SORCS3: variants seen among roughly 807,000 people sequenced by gnomAD.
SORCS3 encodes VPS10 domain-containing receptor SorCS3.
Under a neutral mutation model 146.3 loss-of-function variants are expected in SORCS3, and 57 were observed. The ratio of observed to expected loss-of-function variants is 0.39; its 90% CI spans 0.31 to 0.49. The LOEUF (loss-of-function observed/expected upper bound fraction) is 0.49, where lower values mean the gene tolerates loss of function less well. Ranked by LOEUF, SORCS3 falls within the 20% of genes least tolerant of loss-of-function variation. The probability of loss-of-function intolerance (pLI) is 0.92; values close to 1 mark genes in which losing one functional copy is unlikely to be tolerated. For synonymous variants in SORCS3, 653 were observed against 618.5 expected (o/e 1.06, Z -0.83); for missense variants, 1,341 against 1,575.5 (o/e 0.85, Z 2.52).
chr10:104,802,257 AT>A (rs1183624816), intron 1 of SORCS3, among the ~76,000 whole-genome samples: 1 of 152,208 alleles, frequency 6.6e-6, no homozygotes, highest in Non-Finnish European at 1.5e-5. Context: ...AAATCTCCAT[AT>A]TCTGCTTTTA....
At chr10:105,123,557 A>G (rs1008149148) in intron 7 of SORCS3, among the ~76,000 whole-genome samples, 1 of 152,194 alleles carries the variant, frequency 6.6e-6, no homozygotes, top group African/African-American at 2.4e-5. Flanking sequence ...TAAGAAAGTT[A>G]TGTTCCCTGG....
chr10:104,754,306 C>T (rs1208913048), intron 1 of SORCS3, among the ~76,000 whole-genome samples: 1 of 152,154 alleles, frequency 6.6e-6, no homozygotes, highest in Non-Finnish European at 1.5e-5. Context: ...CCCTGTTAAA[C>T]ATCAGATTGT....
intron 2 of SORCS3, among the ~76,000 whole-genome samples, chr10:104,873,448 T>G (rs1425098530): frequency 6.6e-6 from 1 of 152,178 alleles, no homozygotes. Flanking sequence ...ACAGCCCCAT[T>G]TAGCTTTGAG....
intron 1 of SORCS3, among the ~76,000 whole-genome samples, chr10:104,662,115 A>T (rs1176158064): frequency 1.3e-5 from 2 of 152,186 alleles, no homozygotes; most frequent in Admixed American, 6.5e-5. Flanking sequence ...TGGGTAATGA[A>T]ATAGAGGAAA....
chr10:104,734,757 A>G (rs1189272748), intron 1 of SORCS3, among the ~76,000 whole-genome samples: 1 of 152,216 alleles, frequency 6.6e-6, no homozygotes, highest in Non-Finnish European at 1.5e-5. Context: ...ATGAAAATAC[A>G]TCTGCAGGCT....
chr10:104,715,452 T>C (rs2016465256), intron 1 of SORCS3, among the ~76,000 whole-genome samples: 1 of 152,234 alleles, frequency 6.6e-6, no homozygotes, highest in South Asian at 2.1e-4. Context: ...GAATTACCTA[T>C]TGGCTTTCCT....
intron 9 of SORCS3, among the ~76,000 whole-genome samples, chr10:105,154,876 C>T (rs2056195245): frequency 1.3e-5 from 2 of 152,130 alleles, no homozygotes; most frequent in Admixed American, 6.5e-5. Context: ...CACACAAAAG[C>T]CAAGTGCCTT....
intron 2 of SORCS3, among the ~76,000 whole-genome samples, chr10:104,903,145 C>A (rs1043540582): frequency 2.6e-5 from 4 of 152,190 alleles, no homozygotes; most frequent in African/African-American, 7.2e-5. Flanking sequence ...GTCTCCGAGT[C>A]TGTTTCCTCA....
chr10:105,186,037 GA>G (rs1429739562), intron 14 of SORCS3, among the ~76,000 whole-genome samples: 1 of 152,140 alleles, frequency 6.6e-6, no homozygotes, highest in East Asian at 1.9e-4. Flanking sequence ...CTTATCAATG[GA>G]AATTTAGGTT....
At chr10:104,882,251 G>A (rs1165197101) in intron 2 of SORCS3, among the ~76,000 whole-genome samples, 1 of 152,142 alleles carries the variant, frequency 6.6e-6, no homozygotes, top group Non-Finnish European at 1.5e-5. Context: ...GACTGCTTCT[G>A]AAATGCCCAG....
At chr10:104,654,638 A>G (rs1481114598) in intron 1 of SORCS3, among the ~76,000 whole-genome samples, 1 of 152,230 alleles carries the variant, frequency 6.6e-6, no homozygotes, top group East Asian at 1.9e-4. Flanking sequence ...CTCTGGACAT[A>G]GAAATCTAGG....
chr10:104,722,530 T>G (rs1182547019), intron 1 of SORCS3, among the ~76,000 whole-genome samples: 1 of 152,222 alleles, frequency 6.6e-6, no homozygotes. Context: ...TTTCTATTGA[T>G]TGGAAAAGTT....
intron 4 of SORCS3, among the ~76,000 whole-genome samples, chr10:104,986,599 C>T (rs952422514): frequency 6.6e-6 from 1 of 152,150 alleles, no homozygotes; most frequent in Non-Finnish European, 1.5e-5. Flanking sequence ...TCATCCCTAG[C>T]TTTTGATTTA....
Position 105,199,996 on chromosome 10 carries a change from T to C in SORCS3, c.2010-3T>C, listed in dbSNP as rs1564782976. 3 of 1,612,002 alleles carry C rather than the reference T, an allele frequency of 1.9e-6. No individual in the cohort carries two copies. The highest frequency in any genetic ancestry group is 2.5e-6 in the Non-Finnish European group (3 of 1,178,294). ...GTCTCCCACTCCTCCCCTAAACACT[T>C]AGAGTTTTTGGCCACTTCAGCCTCC... is the stretch of plus-strand genomic sequence containing the variant. On this transcript the variant is annotated splice_region_variant and splice_polypyrimidine_tract_variant and intron_variant, in intron 14 of 26. Transcript: ENST00000369701.
At chr10:105,198,910 T>G (rs2056558713) in intron 14 of SORCS3, among the ~76,000 whole-genome samples, 1 of 152,216 alleles carries the variant, frequency 6.6e-6, no homozygotes, top group Admixed American at 6.5e-5. Context: ...CAACTCTATA[T>G]TCTTCCTCAT....
intron 6 of SORCS3, among the ~76,000 whole-genome samples, chr10:105,103,746 A>G (rs1197214305): frequency 2.0e-5 from 3 of 152,234 alleles, no homozygotes; most frequent in Non-Finnish European, 4.4e-5. Context: ...TATAGTTACC[A>G]AAGGAAACAG....
rs80043319 is a variant in SORCS3 at position 105,234,548 on chromosome 10, CT to C, written c.2869-10981del. On this transcript the variant is annotated intron_variant, in intron 20 of 26. Coordinates refer to ENST00000369701, the MANE Select transcript of SORCS3 (RefSeq NM_014978.3). The stretch of plus-strand genomic sequence containing the variant: ...TTCCTCATTCTTGGATATTCTTTTC[CT>C]TTTTTTTTTTTTACTTTTTGTTGTT... Among the ~76,000 whole-genome samples the C allele has an allele frequency of 4.6e-3, 630 of 137,864 alleles. 1 individual carries two copies. Among genetic ancestry groups the C allele is most frequent in the African/African-American group, 6.0e-3 (225 of 37,806 alleles). 90.4% of individuals were successfully genotyped at this position (137,864 alleles called of 152,430 possible).
rs141992907 is a variant in SORCS3 at position 105,256,388 on chromosome 10, G to A, written c.3338-431G>A. On this transcript the variant is annotated intron_variant, in intron 24 of 26. Coordinates refer to ENST00000369701, the MANE Select transcript of SORCS3 (RefSeq NM_014978.3). ...CTTTTCCAAGGTGTAGGTCACAAAT[G>A]TGCCCATCCAGTGGGTTTTTATCAG... Among the ~76,000 whole-genome samples the A allele has an allele frequency of 7.9e-5, 12 of 152,322 alleles. 1 individual carries two copies. Among genetic ancestry groups the A allele is most frequent in the African/African-American group, 2.9e-4 (12 of 41,584 alleles).
chr10:104,662,085 A>G (rs1272010817), intron 1 of SORCS3, among the ~76,000 whole-genome samples: 1 of 152,196 alleles, frequency 6.6e-6, no homozygotes, highest in Non-Finnish European at 1.5e-5. Flanking sequence ...TCAAGCTCAC[A>G]TGGCTAATAA....
Sources: gnomAD v4.1 joint callset for allele counts (sites outside exome capture counted in the v4.1 genomes callset) on GRCh38, gnomAD v4.1.1 for gene constraint, MANE v1.5 for transcripts, NCBI Gene and HGNC (gene_info 2026-07-23, HGNC 2026-07-21) for gene names.